Variants in LARS2 observed in about 807,000 individuals in gnomAD.
LARS2 encodes the protein leucine--tRNA ligase, mitochondrial.
In LARS2, 81 loss-of-function variants were observed where a neutral mutation model predicts 116.6. The observed-to-expected ratio is 0.69, with a 90% CI of 0.58 to 0.84. The LOEUF (loss-of-function observed/expected upper bound fraction) is 0.84, where lower values mean the gene tolerates loss of function less well. Ranked by LOEUF, LARS2 falls within the 40% of genes least tolerant of loss-of-function variation. LARS2 has a pLI of 0.00. For missense variants in LARS2, 968 were observed against 1,114.5 expected, an observed-to-expected ratio of 0.87 and a Z score of 1.87; for synonymous variants, 396 against 407.2, an observed-to-expected ratio of 0.97 and a Z score of 0.33.
chr3:45,392,795 A>G (rs1697978989), intron 2 of LARS2, among the ~76,000 whole-genome samples: 1 of 152,178 alleles, frequency 6.6e-6, no homozygotes, highest in Non-Finnish European at 1.5e-5. Context: ...TTTGTGTTCT[A>G]GTACCTTTGT....
intron 11 of LARS2, among the ~76,000 whole-genome samples, chr3:45,487,054 T>C (rs1699827098): frequency 6.6e-6 from 1 of 152,166 alleles, no homozygotes; most frequent in Admixed American, 6.5e-5. Context: ...AAGTGGTGTT[T>C]TTGCCTCCCA....
chr3:45,518,716 T>C (rs930783935), intron 18 of LARS2, among the ~76,000 whole-genome samples: 4 of 152,096 alleles, frequency 2.6e-5, no homozygotes, highest in Non-Finnish European at 5.9e-5. Flanking sequence ...TATCCCAAAT[T>C]CTTCTTAAGC....
At chr3:45,468,456 C>G (rs1024645756) in intron 8 of LARS2, among the ~76,000 whole-genome samples, 7 of 152,216 alleles carry the variant, frequency 4.6e-5, no homozygotes, top group Admixed American at 6.5e-5. Context: ...TTGGACTACT[C>G]CCTCCCTCTC....
intron 6 of LARS2, among the ~76,000 whole-genome samples, chr3:45,432,928 A>G (rs930662384): frequency 1.3e-5 from 2 of 152,066 alleles, no homozygotes; most frequent in Non-Finnish European, 2.9e-5. Context: ...GTCTGTCACT[A>G]GTAATTTTCT....
At chr3:45,508,950 G>A (rs970223470) in intron 15 of LARS2, among the ~76,000 whole-genome samples, 27 of 151,480 alleles carry the variant, frequency 1.8e-4, no homozygotes, top group African/African-American at 6.5e-4. Context: ...TCAATGCCCA[G>A]CAGCTATCAG....
At chr3:45,521,121 A>G (rs1234287108) in intron 19 of LARS2, among the ~76,000 whole-genome samples, 1 of 152,048 alleles carries the variant, frequency 6.6e-6, no homozygotes, top group Non-Finnish European at 1.5e-5. Context: ...TGGCTAACAC[A>G]GTGAAACCCC....
chr3:45,411,235 C>G (rs1166790942), intron 4 of LARS2, among the ~76,000 whole-genome samples: 1 of 152,148 alleles, frequency 6.6e-6, no homozygotes, highest in Non-Finnish European at 1.5e-5. Context: ...GACTCACTGG[C>G]CCTGCCGGCA....
rs528774246 is a variant in LARS2, at chr3:45,479,350, G to T, written c.1018+2723G>T. Among the ~76,000 whole-genome samples, 5 of 152,270 alleles carry T rather than the reference G, an allele frequency of 3.3e-5. No homozygotes were observed. In the East Asian group the frequency reaches 9.7e-4, roughly 29 times the overall value. On this transcript the variant is annotated intron_variant, in intron 10 of 21. Coordinates refer to ENST00000645846, the MANE Select transcript of LARS2 (RefSeq NM_015340.4). Reference sequence around the variant, plus strand: ...TGGAGGAGAGTGACACATGTGGCCAGGGTGATGCTAGAGTGGCAGGCTGGC... The same window carrying T: ...TGGAGGAGAGTGACACATGTGGCCATGGTGATGCTAGAGTGGCAGGCTGGC...
chr3:45,459,648 G>T (rs1699279947), intron 8 of LARS2, among the ~76,000 whole-genome samples: 1 of 152,192 alleles, frequency 6.6e-6, no homozygotes, highest in Non-Finnish European at 1.5e-5. Flanking sequence ...GGTTCTGTAG[G>T]TACTGGAACC....
chr3:45,525,052 T>C (rs1700513600), intron 20 of LARS2, among the ~76,000 whole-genome samples: 1 of 152,230 alleles, frequency 6.6e-6, no homozygotes, highest in Non-Finnish European at 1.5e-5. Flanking sequence ...AACATAGTAC[T>C]CCTTGTTGAT....
At chr3:45,488,346 T>G (rs1699851222) in intron 11 of LARS2, among the ~76,000 whole-genome samples, 1 of 152,108 alleles carries the variant, frequency 6.6e-6, no homozygotes, top group South Asian at 2.1e-4. Context: ...GATATGAGAA[T>G]CACTTGAACC....
At chr3:45,481,711 G>T (rs1258260043) in intron 10 of LARS2, among the ~76,000 whole-genome samples, 1 of 151,852 alleles carries the variant, frequency 6.6e-6, no homozygotes, top group Non-Finnish European at 1.5e-5. Context: ...ATTTTAGTTT[G>T]TCTTTTTATT....
At chr3:45,419,633 C>T (rs759330452) in intron 5 of LARS2, 36 bp from the exon 6 acceptor site, 2 of 1,542,678 alleles carry the variant, frequency 1.3e-6, no homozygotes, top group Non-Finnish European at 1.8e-6. Flanking sequence ...TTAATCCCCT[C>T]TCTAAAAACC....
chr3:45,499,687 A>G (rs1474115066), intron 14 of LARS2, among the ~76,000 whole-genome samples: 13 of 152,204 alleles, frequency 8.5e-5, no homozygotes. Context: ...TAGTATCTGC[A>G]TGTTAATCTT....
At chr3:45,392,089 C>CT (rs1315223336) in intron 2 of LARS2, among the ~76,000 whole-genome samples, 1 of 152,162 alleles carries the variant, frequency 6.6e-6, no homozygotes, top group Admixed American at 6.5e-5. Flanking sequence ...ACCATAAAAT[C>CT]TGTGACTTCT....
chr3:45,541,717 G>T, intron 20 of LARS2, 112 bp from the exon 21 acceptor site: 2 of 1,377,862 alleles, frequency 1.5e-6, no homozygotes, highest in Non-Finnish European at 9.8e-7. Context: ...CTTCCCACCG[G>T]CTCCTCACAC....
chr3:45,533,141 C>CTTTTTTTTTT lies in LARS2; in HGVS notation c.2405-8670_2405-8661dup, dbSNP rs3085466. 7.8e-4 allele frequency among the ~76,000 whole-genome samples: 40 copies of CTTTTTTTTTT among 51,020 alleles called. 8 individuals carry two copies. Among genetic ancestry groups the CTTTTTTTTTT allele is most frequent in the Non-Finnish European group, 8.4e-4 (24 of 28,606 alleles). 33.5% of individuals were successfully genotyped at this position (51,020 alleles called of 152,430 possible). Reference sequence around the variant, plus strand: ...TTTAGCTTTGGTGGTCACATTAAGTCTTTTTTTTTTTTTTTTTTTTTTTTT... The same window carrying CTTTTTTTTTT: ...TTTAGCTTTGGTGGTCACATTAAGTCTTTTTTTTTTTTTTTTTTTTTTTTTTTTTTTTTTT... On this transcript the variant is annotated intron_variant, in intron 20 of 21. Transcript: ENST00000645846.
Position 45,491,675 on chromosome 3 carries a change from C to CTG in LARS2, c.1401_1402dup (p.Gly468ValfsTer13), listed in dbSNP as rs772831915. On this transcript the variant is annotated frameshift_variant, in exon 13 of 22. Coordinates refer to ENST00000645846, the MANE Select transcript of LARS2 (RefSeq NM_015340.4). LOFTEE classifies it high-confidence loss of function. ...CAATCCCCATTGTCCACTGCCCAGTCTGTGGCCCCACACCTGTGCCCCTGG... is the reference window on the plus strand; with the variant it reads ...CAATCCCCATTGTCCACTGCCCAGTCTGTGTGGCCCCACACCTGTGCCCCTGG... 2 of 1,614,240 alleles carry CTG rather than the reference C, an allele frequency of 1.2e-6. No homozygotes were observed. Among genetic ancestry groups the CTG allele is most frequent in the Non-Finnish European group, 1.7e-6 (2 of 1,180,044 alleles).
At chr3:45,480,353 G>A (rs974016573) in intron 10 of LARS2, among the ~76,000 whole-genome samples, 1 of 152,230 alleles carries the variant, frequency 6.6e-6, no homozygotes, top group African/African-American at 2.4e-5. Flanking sequence ...CTAGAAACTA[G>A]TTATATGGAC....
Sources: gnomAD v4.1 joint callset for allele counts (sites outside exome capture counted in the v4.1 genomes callset) on GRCh38, gnomAD v4.1.1 for gene constraint, MANE v1.5 for transcripts, NCBI Gene and HGNC (gene_info 2026-07-23, HGNC 2026-07-21) for gene names.